Variants in NR6A1 observed in about 807,000 individuals in gnomAD.
NR6A1 encodes the protein retinoic acid receptor-related testis-associated receptor.
A neutral mutation model predicts 59.1 loss-of-function variants in NR6A1; 7 were observed. The ratio of observed to expected loss-of-function variants is 0.12; its 90% CI spans 0.07 to 0.22. NR6A1 has a LOEUF of 0.22. Ranked by LOEUF, NR6A1 falls within the 10% of genes least tolerant of loss-of-function variation. The pLI is 1.00. For synonymous variants in NR6A1, 243 were observed against 236.1 expected (o/e 1.03, Z -0.27); for missense variants, 468 against 611.6 (o/e 0.77, Z 2.48).
Position 124,524,787 on chromosome 9 carries a change from A to G in NR6A1, c.1288T>C (p.Tyr430His). ...YICQDFTEYK[Y>H]THQPNRFPDL... is the part of the protein sequence containing the mutation. ...GGAAAGCGGTTCGGCTGATGTGTGT[A>G]TTTATATTCAGTAAAATCCTGGCAA... is the stretch of plus-strand genomic sequence containing the variant. The change falls in exon 9 of 10, where the codon TAC becomes CAC. Residue 430 changes from tyrosine to histidine, a missense_variant. Coordinates refer to ENST00000487099, the MANE Select transcript of NR6A1 (RefSeq NM_033334.4). 1 of 1,613,988 alleles carries G rather than the reference A, an allele frequency of 6.2e-7. No homozygotes were observed. The highest frequency in any genetic ancestry group is 1.1e-5 in the South Asian group (1 of 91,076).
At chr9:124,687,565 A>G (rs1427713201) in intron 2 of NR6A1, among the ~76,000 whole-genome samples, 3 of 152,292 alleles carry the variant, frequency 2.0e-5, no homozygotes, top group East Asian at 1.9e-4. Context: ...CAGACTAAAT[A>G]TAAGAATGAC....
intron 2 of NR6A1, among the ~76,000 whole-genome samples, chr9:124,561,719 T>C (rs1233390889): frequency 6.6e-6 from 1 of 152,044 alleles, no homozygotes; most frequent in African/African-American, 2.4e-5. Flanking sequence ...CCAGACCAGC[T>C]TGGCCATCAT....
chr9:124,530,952 C>CG (rs1333085105), intron 7 of NR6A1, among the ~76,000 whole-genome samples: 1 of 152,208 alleles, frequency 6.6e-6, no homozygotes, highest in African/African-American at 2.4e-5. Context: ...TCATGCTCCT[C>CG]ATCTCTAGAA....
intron 2 of NR6A1, among the ~76,000 whole-genome samples, chr9:124,601,555 G>C (rs2130823147): frequency 7.4e-6 from 1 of 134,888 alleles, no homozygotes; most frequent in South Asian, 2.3e-4. Context: ...CTGCACTCCA[G>C]CCTGGGCGAC....
intron 1 of NR6A1, among the ~76,000 whole-genome samples, chr9:124,767,355 A>G (rs965148639): frequency 5.3e-5 from 8 of 152,162 alleles, no homozygotes; most frequent in Admixed American, 1.3e-4. Flanking sequence ...TTTTGGTTAC[A>G]TGAATCAGAA....
intron 2 of NR6A1, among the ~76,000 whole-genome samples, chr9:124,690,407 A>C (rs1383140849): frequency 6.6e-6 from 1 of 152,176 alleles, no homozygotes; most frequent in East Asian, 1.9e-4. Flanking sequence ...GAAACCACCA[A>C]TATTTCGTGG....
chr9:124,645,458 C>A (rs1281511461), intron 2 of NR6A1, among the ~76,000 whole-genome samples: 1 of 152,056 alleles, frequency 6.6e-6, no homozygotes, highest in Non-Finnish European at 1.5e-5. Flanking sequence ...GAAATACATA[C>A]CATCCTAACA....
At chr9:124,572,429 G>T (rs1834464057) in intron 2 of NR6A1, among the ~76,000 whole-genome samples, 1 of 151,846 alleles carries the variant, frequency 6.6e-6, no homozygotes, top group African/African-American at 2.4e-5. Flanking sequence ...AAAAAGGTAG[G>T]AACAACTGCT....
chr9:124,576,893 T>C (rs1451458791), intron 2 of NR6A1, among the ~76,000 whole-genome samples: 3 of 152,044 alleles, frequency 2.0e-5, no homozygotes, highest in East Asian at 1.9e-4. Context: ...GCCATCTCTA[T>C]AAAAAATTAA....
intron 2 of NR6A1, among the ~76,000 whole-genome samples, chr9:124,724,981 C>T (rs186831153): frequency 8.9e-4 from 135 of 152,246 alleles, no homozygotes; most frequent in Admixed American, 3.1e-3. Flanking sequence ...GCCTAACTGG[C>T]CCCCAAACAT....
At position 124,524,710 on chromosome 9, in the gene NR6A1, C is replaced by T. The variant is rs1362220038; in HGVS notation, c.1354+11G>A. ...AAGGAAGGGTTGGGAGCCCAAGACC[C>T]AGAATGTTACCTGCAATATATCGAA... On this transcript the variant is annotated intron_variant, in intron 9 of 9. Transcript: ENST00000487099. 2.8e-5 allele frequency: 45 copies of T among 1,612,460 alleles called. No individual in the cohort carries two copies. The highest frequency in any genetic ancestry group is 3.5e-5 in the Non-Finnish European group (41 of 1,179,202).
chr9:124,746,183 A>G (rs1424175984), intron 1 of NR6A1, among the ~76,000 whole-genome samples: 1 of 152,186 alleles, frequency 6.6e-6, no homozygotes, highest in Non-Finnish European at 1.5e-5. Context: ...GCTCAGTACT[A>G]TCTCCCACGT....
intron 2 of NR6A1, among the ~76,000 whole-genome samples, chr9:124,651,507 T>C (rs1370440376): frequency 6.6e-6 from 1 of 152,222 alleles, no homozygotes; most frequent in Non-Finnish European, 1.5e-5. Context: ...ACCAACTTAA[T>C]AAGAATGCTG....
chr9:124,704,051 C>T (rs1839047847), intron 2 of NR6A1, among the ~76,000 whole-genome samples: 1 of 152,184 alleles, frequency 6.6e-6, no homozygotes. Flanking sequence ...ATTACTAATT[C>T]ATTTTAACTG....
chr9:124,693,853 C>A, intron 2 of NR6A1: 1 of 509,790 alleles, frequency 2.0e-6, no homozygotes. Context: ...GCAGCTACTG[C>A]TGTGAGTGGG....
intron 2 of NR6A1, among the ~76,000 whole-genome samples, chr9:124,624,581 A>C (rs1836180158): frequency 1.3e-5 from 2 of 152,202 alleles, no homozygotes; most frequent in Non-Finnish European, 2.9e-5. Context: ...TTATCCTAGG[A>C]CACACTGACT....
intron 1 of NR6A1, among the ~76,000 whole-genome samples, chr9:124,756,776 G>C (rs1840641846): frequency 6.6e-6 from 1 of 152,154 alleles, no homozygotes; most frequent in South Asian, 2.1e-4. Context: ...TGTGGGAGAT[G>C]ATATAATTGT....
chr9:124,609,911 A>T (rs1393550554), intron 2 of NR6A1, among the ~76,000 whole-genome samples: 1 of 152,080 alleles, frequency 6.6e-6, no homozygotes, highest in Non-Finnish European at 1.5e-5. Flanking sequence ...CTCTCTGGTT[A>T]TCTGTTGTTG....
chr9:124,570,112 C>T (rs1358594332), intron 2 of NR6A1, among the ~76,000 whole-genome samples: 2 of 152,210 alleles, frequency 1.3e-5, no homozygotes, highest in South Asian at 2.1e-4. Context: ...TCTCCATGGG[C>T]AGCAACTCTA....
Sources: allele counts gnomAD v4.1 joint callset (sites outside exome capture counted in the v4.1 genomes callset), GRCh38; gene constraint gnomAD v4.1.1; transcripts MANE v1.5; gene names NCBI Gene and HGNC (gene_info 2026-07-23, HGNC 2026-07-21).